Variants in WDR70 observed in about 807,000 individuals in gnomAD.
WDR70 encodes the protein WD repeat domain 70.
WDR70 carries 53 observed loss-of-function variants against 88.6 expected under a neutral mutation model. The observed-to-expected ratio is 0.60, with a 90% CI of 0.48 to 0.75. The LOEUF is 0.75. WDR70 is among the 30% of genes least tolerant of loss of function. The pLI, the probability that WDR70 is intolerant of heterozygous loss-of-function variation, is 0.00. For missense variants in WDR70, 610 were observed against 823.2 expected, an observed-to-expected ratio of 0.74 and a Z score of 3.17; for synonymous variants, 280 against 270.0, an observed-to-expected ratio of 1.04 and a Z score of -0.36.
intron 9 of WDR70, among the ~76,000 whole-genome samples, chr5:37,529,802 G>A (rs1741424562): frequency 6.6e-6 from 1 of 152,002 alleles, no homozygotes. Context: ...TTATCAATTT[G>A]GATGCCTTGA....
intron 6 of WDR70, among the ~76,000 whole-genome samples, chr5:37,439,010 C>T (rs1240480804): frequency 2.0e-5 from 3 of 150,706 alleles, no homozygotes; most frequent in Admixed American, 6.6e-5. Flanking sequence ...CTCCAACTCC[C>T]GGGTTCATGC....
chr5:37,455,048 A>T (rs1350650902), intron 7 of WDR70, among the ~76,000 whole-genome samples: 1 of 152,212 alleles, frequency 6.6e-6, no homozygotes, highest in East Asian at 1.9e-4. Context: ...CTAGTAAAGC[A>T]TTCAGTAGAT....
intron 11 of WDR70, among the ~76,000 whole-genome samples, chr5:37,698,200 A>G (rs560388782): frequency 2.6e-5 from 4 of 152,170 alleles, no homozygotes; most frequent in African/African-American, 9.7e-5. Context: ...AAAAGTCTAT[A>G]TCTAGATGAG....
At chr5:37,653,278 C>T (rs188956031) in intron 10 of WDR70, among the ~76,000 whole-genome samples, 39 of 152,208 alleles carry the variant, frequency 2.6e-4, no homozygotes, top group African/African-American at 7.0e-4. Flanking sequence ...CCTTGCATCC[C>T]GGGGATGAAG....
intron 5 of WDR70, among the ~76,000 whole-genome samples, chr5:37,419,372 A>G (rs1485787691): frequency 6.6e-6 from 1 of 150,676 alleles, no homozygotes; most frequent in Non-Finnish European, 1.5e-5. Flanking sequence ...TGCCCGGCTA[A>G]TTTTTGTATT....
chr5:37,619,367 C>T (rs534383653), intron 10 of WDR70, among the ~76,000 whole-genome samples: 1 of 151,466 alleles, frequency 6.6e-6, no homozygotes, highest in South Asian at 2.1e-4. Flanking sequence ...AATGTTCAGA[C>T]TCTCTGCAGG....
intron 7 of WDR70, among the ~76,000 whole-genome samples, chr5:37,466,397 G>T (rs1739149761): frequency 6.6e-6 from 1 of 152,250 alleles, no homozygotes; most frequent in Admixed American, 6.5e-5. Context: ...GCCACATGTG[G>T]TTATTTAAAT....
intron 8 of WDR70, among the ~76,000 whole-genome samples, chr5:37,487,814 C>T (rs1358702855): frequency 7.3e-5 from 11 of 151,230 alleles, no homozygotes; most frequent in East Asian, 1.9e-4. Context: ...TTAGTAGAGT[C>T]GGGATTTCAC....
chr5:37,704,909 GAC>G (rs1747278912), intron 13 of WDR70, among the ~76,000 whole-genome samples: 1 of 151,210 alleles, frequency 6.6e-6, no homozygotes, highest in Admixed American at 6.6e-5. Flanking sequence ...AGCAGAGGAA[GAC>G]ACATTCAGAT....
chr5:37,393,183 A>G (rs1408075772), intron 4 of WDR70, among the ~76,000 whole-genome samples: 1 of 151,856 alleles, frequency 6.6e-6, no homozygotes, highest in Admixed American at 6.6e-5. Context: ...CTGAGGTTAC[A>G]GGTGCCCACC....
At chr5:37,713,698 T>C (rs936278534) in intron 13 of WDR70, among the ~76,000 whole-genome samples, 6 of 152,198 alleles carry the variant, frequency 3.9e-5, no homozygotes, top group African/African-American at 1.4e-4. Flanking sequence ...TTGTAGATGT[T>C]TAAAAATGTT....
chr5:37,648,136 C>T (rs10805627), intron 10 of WDR70, among the ~76,000 whole-genome samples: 86,692 of 151,514 alleles, frequency 0.57, 24,941 homozygotes, highest in African/African-American at 0.61. Flanking sequence ...TGGGAAGAAA[C>T]CTTACATAGG....
chr5:37,490,415 A>C (rs1200008339), intron 8 of WDR70, among the ~76,000 whole-genome samples: 1 of 152,042 alleles, frequency 6.6e-6, no homozygotes, highest in Non-Finnish European at 1.5e-5. Context: ...GATTGATGCC[A>C]GTGGTAGCCA....
At chr5:37,520,992 C>T (rs974971989) in intron 9 of WDR70, among the ~76,000 whole-genome samples, 4 of 151,616 alleles carry the variant, frequency 2.6e-5, no homozygotes, top group Non-Finnish European at 5.9e-5. Flanking sequence ...AGGACTTGGG[C>T]TATTCTGGTT....
intron 5 of WDR70, among the ~76,000 whole-genome samples, chr5:37,402,298 T>TGTGC (rs1749221168): frequency 1.4e-5 from 2 of 147,996 alleles, no homozygotes; most frequent in African/African-American, 2.6e-5. Context: ...AGTATTTGTG[T>TGTGC]GTGTGTGTGT....
intron 5 of WDR70, among the ~76,000 whole-genome samples, chr5:37,411,916 T>G (rs1561842031): frequency 6.6e-6 from 1 of 151,902 alleles, no homozygotes; most frequent in Non-Finnish European, 1.5e-5. Context: ...TTAAAAATAT[T>G]AATTATATTA....
At position 37,504,104 on chromosome 5, in the gene WDR70, A is replaced by G. The variant is rs146336499; in HGVS notation, c.841-12410A>G. On this transcript the variant is annotated intron_variant, in intron 8 of 17. Transcript: ENST00000265107. ...CCATTTTGCATTAACTTTTGTATAC[A>G]GTATGAATAATAGGTTGAGATTATC... is the stretch of plus-strand genomic sequence containing the variant. 3.5e-4 allele frequency among the ~76,000 whole-genome samples: 54 copies of G among 152,316 alleles called. 1 individual carries two copies. In the East Asian group the frequency reaches 0.01, roughly 29 times the overall value.
rs1455457838 is a variant in WDR70 at position 37,396,690 on chromosome 5, C to T, written c.492+120C>T. 3 of 1,414,116 alleles carry T rather than the reference C, an allele frequency of 2.1e-6. No homozygotes were observed. In the African/African-American group the frequency reaches 4.3e-5, roughly 20 times the overall value. The allele number at this position is 1,414,116 out of a possible 1,614,324, so 87.6% of individuals were successfully genotyped here. On this transcript the variant is annotated intron_variant, in intron 5 of 17. Transcript: ENST00000265107. ...ATTTAAAAACTGAGGAAAGGCCGGG[C>T]ATGGTGGCTTAACACCTGTAATCCC...
chr5:37,571,228 T>C (rs1742891314), intron 9 of WDR70, among the ~76,000 whole-genome samples: 1 of 152,222 alleles, frequency 6.6e-6, no homozygotes, highest in Non-Finnish European at 1.5e-5. Flanking sequence ...GGATGAACTT[T>C]ATCATATACT....
Sources: gnomAD v4.1 joint callset for allele counts (sites outside exome capture counted in the v4.1 genomes callset) on GRCh38, gnomAD v4.1.1 for gene constraint, MANE v1.5 for transcripts, NCBI Gene and HGNC (gene_info 2026-07-23, HGNC 2026-07-21) for gene names.